Variants in BAZ2B observed in about 807,000 individuals in gnomAD.
The protein encoded by BAZ2B is bromodomain adjacent to zinc finger domain 2B.
BAZ2B carries 91 observed loss-of-function variants against 246.0 expected under a neutral mutation model. The observed-to-expected ratio is 0.37, with a 90% CI of 0.31 to 0.44. The LOEUF (loss-of-function observed/expected upper bound fraction) is 0.44, where lower values mean the gene tolerates loss of function less well. Ranked by LOEUF, BAZ2B falls within the 20% of genes least tolerant of loss-of-function variation. The pLI is 1.00. For missense variants in BAZ2B, 2,332 were observed against 2,533.7 expected, an observed-to-expected ratio of 0.92 and a Z score of 1.71; for synonymous variants, 855 against 860.0, an observed-to-expected ratio of 0.99 and a Z score of 0.10.
the BAZ2B span, among the ~76,000 whole-genome samples, chr2:159,697,891 G>T: frequency 6.6e-6 from 1 of 151,924 alleles, no homozygotes; most frequent in Admixed American, 6.6e-5. Context: ...TTTTATATGC[G>T]GGTTAGAGTT....
At chr2:159,447,427 G>C (rs1262338903) in intron 5 of BAZ2B, among the ~76,000 whole-genome samples, 2 of 152,108 alleles carry the variant, frequency 1.3e-5, no homozygotes, top group Non-Finnish European at 2.9e-5. Flanking sequence ...AAACACATTA[G>C]AGAACTTTGT....
chr2:159,519,670 C>CTTTTT (rs1156978730), intron 2 of BAZ2B, among the ~76,000 whole-genome samples: 7 of 98,268 alleles, frequency 7.1e-5, no homozygotes, highest in Non-Finnish European at 1.3e-4. Context: ...GACCTTTCTT[C>CTTTTT]TTTTTTTTTT....
At position 159,395,837 on chromosome 2, in the gene BAZ2B, A is replaced by G. The variant is rs1462433680; in HGVS notation, c.3010-3T>C. On this transcript the variant is annotated splice_polypyrimidine_tract_variant and splice_region_variant and intron_variant, in intron 19 of 36. Coordinates refer to ENST00000392783, the MANE Select transcript of BAZ2B (RefSeq NM_013450.4). The stretch of plus-strand genomic sequence containing the variant: ...TGTTGTCGCCTTCGCTCTCGTTCCT[A>G]TTAGGCCAGATAAAATGTGGAAAAT... The G allele has an allele frequency of 2.5e-6, 4 of 1,602,942 alleles. No homozygotes were observed. The highest frequency in any genetic ancestry group is 1.7e-4 in the Middle Eastern group (1 of 6,010).
At chr2:159,629,912 G>A in the BAZ2B span, among the ~76,000 whole-genome samples, 59 of 152,232 alleles carry the variant, frequency 3.9e-4, no homozygotes, top group African/African-American at 1.3e-3. Flanking sequence ...AGTATTTATC[G>A]TTAAGTGAAG....
the BAZ2B span, among the ~76,000 whole-genome samples, chr2:159,702,707 A>G: frequency 6.6e-6 from 1 of 152,200 alleles, no homozygotes; most frequent in Non-Finnish European, 1.5e-5. Flanking sequence ...TCACATTTTC[A>G]TTCCTATCAT....
At chr2:159,564,723 G>T (rs2151519575) in intron 1 of BAZ2B, among the ~76,000 whole-genome samples, 1 of 152,256 alleles carries the variant, frequency 6.6e-6, no homozygotes, top group African/African-American at 2.4e-5. Context: ...GGTGGTAGTG[G>T]TAATAGTAGT....
At chr2:159,416,110 T>C (rs1307237100) in intron 13 of BAZ2B, among the ~76,000 whole-genome samples, 1 of 152,152 alleles carries the variant, frequency 6.6e-6, no homozygotes, top group Non-Finnish European at 1.5e-5. Context: ...CATTTAGCCA[T>C]GAAAGCACAG....
the BAZ2B span, among the ~76,000 whole-genome samples, chr2:159,628,865 C>T: frequency 2.6e-5 from 4 of 152,278 alleles, no homozygotes; most frequent in East Asian, 7.7e-4. Context: ...AAGAAACTAT[C>T]ATCAGAGTGA....
At chr2:159,340,904 T>C (rs921991786) in intron 31 of BAZ2B, among the ~76,000 whole-genome samples, 1 of 151,930 alleles carries the variant, frequency 6.6e-6, no homozygotes, top group Non-Finnish European at 1.5e-5. Flanking sequence ...ATAAACTGTA[T>C]CCTTATGGAA....
chr2:159,483,298 A>C (rs2079448435), intron 2 of BAZ2B, among the ~76,000 whole-genome samples: 1 of 152,054 alleles, frequency 6.6e-6, no homozygotes, highest in South Asian at 2.1e-4. Flanking sequence ...CCTGGGCTCC[A>C]GTGATCCTCC....
At chr2:159,606,762 CATT>C (rs778392835) in intron 1 of BAZ2B, among the ~76,000 whole-genome samples, 2 of 152,020 alleles carry the variant, frequency 1.3e-5, no homozygotes, top group Non-Finnish European at 2.9e-5. Context: ...TAATAAATTT[CATT>C]ATTATTATGA....
At chr2:159,669,895 T>C in the BAZ2B span, among the ~76,000 whole-genome samples, 1 of 152,188 alleles carries the variant, frequency 6.6e-6, no homozygotes, top group East Asian at 1.9e-4. Context: ...TTGTTATCAC[T>C]GAATTTCATT....
chr2:159,455,832 T>C (rs1401703391), intron 3 of BAZ2B, among the ~76,000 whole-genome samples: 1 of 144,690 alleles, frequency 6.9e-6, no homozygotes, highest in Non-Finnish European at 1.5e-5. Context: ...AAAAATGAGC[T>C]TGTAACTATA....
At chr2:159,477,238 G>C (rs2078694375) in intron 3 of BAZ2B, among the ~76,000 whole-genome samples, 1 of 152,060 alleles carries the variant, frequency 6.6e-6, no homozygotes, top group South Asian at 2.1e-4. Context: ...CCAGGTGGTG[G>C]AGCTTGCAGT....
chr2:159,677,240 A>G, the BAZ2B span, among the ~76,000 whole-genome samples: 9 of 151,748 alleles, frequency 5.9e-5, no homozygotes, highest in Admixed American at 5.9e-4. Context: ...CATTTTAAAG[A>G]TAAGAAAGAG....
chr2:159,496,850 T>C (rs997399623), intron 2 of BAZ2B, among the ~76,000 whole-genome samples: 3 of 149,908 alleles, frequency 2.0e-5, no homozygotes, highest in African/African-American at 7.3e-5. Flanking sequence ...ATTTTGAGAA[T>C]TCTGATAAAA....
intron 1 of BAZ2B, among the ~76,000 whole-genome samples, chr2:159,599,977 G>GA (rs1691751782): frequency 6.7e-6 from 1 of 148,386 alleles, no homozygotes; most frequent in South Asian, 2.2e-4. Context: ...AAGAAAGAAA[G>GA]AAATCTGAGG....
intron 1 of BAZ2B, among the ~76,000 whole-genome samples, chr2:159,575,317 C>A (rs1302117285): frequency 6.6e-6 from 1 of 152,100 alleles, no homozygotes; most frequent in Middle Eastern, 3.4e-3. Flanking sequence ...AGAAAAAAAA[C>A]CATGCAGAAA....
At chr2:159,451,905 G>C (rs1404170168) in intron 4 of BAZ2B, among the ~76,000 whole-genome samples, 1 of 152,118 alleles carries the variant, frequency 6.6e-6, no homozygotes, top group Admixed American at 6.5e-5. Flanking sequence ...AAAAGCAACA[G>C]TGTAATAAAG....
Sources: gnomAD v4.1 joint callset for allele counts (sites outside exome capture counted in the v4.1 genomes callset) on GRCh38, gnomAD v4.1.1 for gene constraint, MANE v1.5 for transcripts, NCBI Gene and HGNC (gene_info 2026-07-23, HGNC 2026-07-21) for gene names.